The following TNFAIP8L1 variants were observed in gnomAD, a reference collection of about 807,000 sequenced individuals.
TNFAIP8L1 encodes tumor necrosis factor alpha-induced protein 8-like protein 1.
For synonymous variants in TNFAIP8L1, 127 were observed against 125.6 expected, an observed-to-expected ratio of 1.01 and a Z score of -0.08; for missense variants, 225 against 266.1, an observed-to-expected ratio of 0.85 and a Z score of 1.08.
chr19:4,649,168 G>A (rs2145171026), intron 1 of TNFAIP8L1, among the ~76,000 whole-genome samples: 1 of 151,702 alleles, frequency 6.6e-6, no homozygotes, highest in African/African-American at 2.4e-5. Context: ...GACCTCAAGT[G>A]ATCCTCCCGC....
Position 4,645,706 on chromosome 19 carries a change from C to CAA in TNFAIP8L1, c.-4+6093_-4+6094dup, listed in dbSNP as rs58019387. Among the ~76,000 whole-genome samples, 37 of 92,818 alleles carry CAA rather than the reference C, an allele frequency of 4.0e-4. No individual in the cohort carries two copies. The highest frequency in any genetic ancestry group is 2.4e-4 in the Admixed American group (2 of 8,332). 60.9% of individuals were successfully genotyped at this position (92,818 alleles called of 152,430 possible). ...GAGGCTGAGGCAGGAGGATCCGTCT[C>CAA]AAAAAAAAAAAAAAAAAGGAATATA... is the stretch of plus-strand genomic sequence containing the variant. On this transcript the variant is annotated intron_variant, in intron 1 of 1. Coordinates refer to ENST00000327473, the MANE Select transcript of TNFAIP8L1 (RefSeq NM_152362.3). The surrounding 1 kb of genome is among the most constrained non-coding windows in gnomAD (Gnocchi z 4.1).
intron 1 of TNFAIP8L1, among the ~76,000 whole-genome samples, chr19:4,643,737 C>A (rs111830880): frequency 0.039 from 5,917 of 152,084 alleles, 358 homozygotes; most frequent in African/African-American, 0.14. Context: ...CAGGAGGAGA[C>A]CAGCCTGGCC....
intron 1 of TNFAIP8L1, among the ~76,000 whole-genome samples, chr19:4,643,986 C>T (rs966497589): frequency 6.6e-6 from 1 of 151,754 alleles, no homozygotes. Flanking sequence ...TTTGGGTGGC[C>T]GAGGCGGGTG....
intron 1 of TNFAIP8L1, among the ~76,000 whole-genome samples, chr19:4,649,829 C>T (rs566837599): frequency 6.6e-6 from 1 of 152,352 alleles, no homozygotes; most frequent in Non-Finnish European, 1.5e-5. Flanking sequence ...GGCGGCCCAT[C>T]CAGCAATTCC....
intron 1 of TNFAIP8L1, among the ~76,000 whole-genome samples, chr19:4,646,950 T>C (rs767632516): frequency 1.3e-5 from 2 of 152,172 alleles, no homozygotes; most frequent in Non-Finnish European, 2.9e-5. Context: ...TTCATAGAAG[T>C]GGGATCACAC....
chr19:4,651,816 TGA>T, intron 1 of TNFAIP8L1, 49 bp from the exon 2 acceptor site: 2 of 1,529,146 alleles, frequency 1.3e-6, no homozygotes, highest in Non-Finnish European at 1.8e-6. Flanking sequence ...CTCTTCTGTG[TGA>T]GGAGTGCCCC....
rs1159752062 is a variant in TNFAIP8L1 at position 4,652,708 on chromosome 19, T to C, written c.*278T>C. On this transcript the variant is annotated 3_prime_UTR_variant, in exon 2 of 2. Coordinates refer to ENST00000327473, the MANE Select transcript of TNFAIP8L1 (RefSeq NM_152362.3). ...CCACCTTTCACCCGTTTGTACTTTC[T>C]GGGCCACGCCGACCCCTGGGTCGCT... 9.3e-6 allele frequency: 4 copies of C among 429,936 alleles called. No individual in the cohort carries two copies. The highest frequency in any genetic ancestry group is 1.7e-5 in the Non-Finnish European group (4 of 236,176). The allele number at this position is 429,936 out of a possible 1,614,324, so 26.6% of individuals were successfully genotyped here.
chr19:4,641,077 T>G lies in TNFAIP8L1; in HGVS notation c.-4+1448T>G, dbSNP rs2088257028. ...CCCTGCTCCAATGGTGGGGTGGCTC[T>G]GCAGACGGGTGCAGGTCTGAGGCCC... On this transcript the variant is annotated intron_variant, in intron 1 of 1. Coordinates refer to ENST00000327473, the MANE Select transcript of TNFAIP8L1 (RefSeq NM_152362.3). This position sits in a 1 kb window ranked among gnomAD's most constrained non-coding sequence, Gnocchi z 4.6. 6.6e-6 allele frequency: 1 copy of G among 152,248 alleles called. No homozygotes were observed. The highest frequency in any genetic ancestry group is 2.1e-4 in the South Asian group (1 of 4,828). The allele number at this position is 152,248 out of a possible 1,614,324, so 9.4% of individuals were successfully genotyped here.
Position 4,653,602 on chromosome 19 carries a change from A to G in TNFAIP8L1, c.*1172A>G, listed in dbSNP as rs1249854387. The G allele has an allele frequency of 6.6e-6, 1 of 152,190 alleles. No homozygotes were observed. The highest frequency in any genetic ancestry group is 1.5e-5 in the Non-Finnish European group (1 of 67,834). 9.4% of individuals were successfully genotyped at this position (152,190 alleles called of 1,614,324 possible). A position where few individuals can be genotyped will look rare whatever the true frequency, so the allele number is the denominator to read the frequency against. ...AAACCCCGTCTCTACTAAAAATACA[A>G]AAATTAGCCGGGCATGGTGTTGCGT... On this transcript the variant is annotated 3_prime_UTR_variant, in exon 2 of 2. Transcript: ENST00000327473.
intron 1 of TNFAIP8L1, among the ~76,000 whole-genome samples, chr19:4,646,990 T>C (rs1410925916): frequency 1.3e-5 from 2 of 152,204 alleles, no homozygotes; most frequent in Admixed American, 1.3e-4. Context: ...CTGGCTTCTG[T>C]CACTGGGAAT....
chr19:4,647,512 A>T (rs555576244), intron 1 of TNFAIP8L1, among the ~76,000 whole-genome samples: 1 of 149,262 alleles, frequency 6.7e-6, no homozygotes, highest in African/African-American at 2.5e-5. Flanking sequence ...AGGTTTCACC[A>T]TGTTGGCCAG....
chr19:4,647,609 C>CTT (rs57985958), intron 1 of TNFAIP8L1, among the ~76,000 whole-genome samples: 140 of 80,534 alleles, frequency 1.7e-3, no homozygotes, highest in East Asian at 4.3e-3. Flanking sequence ...GTGCACCTGG[C>CTT]TTTTTTTTTT....
intron 1 of TNFAIP8L1, among the ~76,000 whole-genome samples, chr19:4,643,765 T>C (rs1183779486): frequency 1.3e-5 from 2 of 151,766 alleles, no homozygotes; most frequent in Admixed American, 1.3e-4. Context: ...CAAAACCCCA[T>C]CTCTACTAAA....
rs895011307 is a variant in TNFAIP8L1, at chr19:4,645,004, C to A, written c.-4+5375C>A. The stretch of plus-strand genomic sequence containing the variant: ...CGGCGGGAAGAGGCCTGAGGCCCCC[C>A]CTGGGCCCCCGGACTGAGTGCAGCC... On this transcript the variant is annotated intron_variant, in intron 1 of 1. Coordinates refer to ENST00000327473, the MANE Select transcript of TNFAIP8L1 (RefSeq NM_152362.3). The surrounding 1 kb of genome is among the most constrained non-coding windows in gnomAD (Gnocchi z 4.1). Among the ~76,000 whole-genome samples, 79 of 152,172 alleles carry A rather than the reference C, an allele frequency of 5.2e-4. No homozygotes were observed. The highest frequency in any genetic ancestry group is 1.5e-4 in the Non-Finnish European group (10 of 68,022).
At position 4,645,337 on chromosome 19, in the gene TNFAIP8L1, C is replaced by T. The variant is rs546784886; in HGVS notation, c.-4+5708C>T. Among the ~76,000 whole-genome samples the T allele has an allele frequency of 1.6e-4, 23 of 146,638 alleles. No individual in the cohort carries two copies. In the South Asian group the frequency reaches 1.7e-3, roughly 11 times the overall value. On this transcript the variant is annotated intron_variant, in intron 1 of 1. Transcript: ENST00000327473. The surrounding 1 kb of genome is among the most constrained non-coding windows in gnomAD (Gnocchi z 4.1). Reference sequence around the variant, plus strand: ...CCGAGGCGAGTAGATCACTTGAGGCCGGGAGTTAGAGACCAGCCTGGCCGA... The same window carrying T: ...CCGAGGCGAGTAGATCACTTGAGGCTGGGAGTTAGAGACCAGCCTGGCCGA...
intron 1 of TNFAIP8L1, among the ~76,000 whole-genome samples, chr19:4,647,610 T>A (rs1241635550): frequency 1.3e-5 from 1 of 75,458 alleles, no homozygotes; most frequent in East Asian, 4.1e-4. Context: ...TGCACCTGGC[T>A]TTTTTTTTTT....
At chr19:4,649,012 C>T (rs1373019042) in intron 1 of TNFAIP8L1, among the ~76,000 whole-genome samples, 1 of 150,660 alleles carries the variant, frequency 6.6e-6, no homozygotes, top group East Asian at 1.9e-4. Flanking sequence ...TGACTGCAAC[C>T]TACGCCTCCT....
Position 4,652,005 on chromosome 19 carries a change from A to T in TNFAIP8L1, c.136A>T (p.Thr46Ser). ...GGTGCTGGATGAGCTGTACCGCGCC[A>T]CCAGGGAGTTCACGCGCAGCCGCAA... ...SEVLDELYRA[T>S]REFTRSRKEA... is the part of the protein sequence containing the mutation. Residue 46 changes from threonine (T) to serine (S), a missense_variant, in exon 2 of 2, where the codon ACC (threonine) becomes TCC (serine). Thr to Ser is a moderately conservative substitution (Grantham distance 58). Coordinates refer to ENST00000327473, the MANE Select transcript of TNFAIP8L1 (RefSeq NM_152362.3). The T allele has an allele frequency of 1.2e-6, 2 of 1,614,104 alleles. No homozygotes were observed. Among genetic ancestry groups the T allele is most frequent in the African/African-American group, 1.3e-5 (1 of 75,074 alleles).
chr19:4,649,416 C>T (rs542690185), intron 1 of TNFAIP8L1, among the ~76,000 whole-genome samples: 12 of 152,242 alleles, frequency 7.9e-5, no homozygotes, highest in South Asian at 2.1e-4. Context: ...AAAGTTCGTT[C>T]CGATCTTCCC....
Sources: gnomAD v4.1 joint callset for allele counts (sites outside exome capture counted in the v4.1 genomes callset) on GRCh38, gnomAD v4.1.1 for gene constraint, Gnocchi (gnomAD v3.1) non-coding constraint, MANE v1.5 for transcripts, NCBI Gene and HGNC (gene_info 2026-07-23, HGNC 2026-07-21) for gene names.